Variants in FLT1 observed in about 807,000 individuals in gnomAD.
FLT1 encodes the protein fms related receptor tyrosine kinase 1, also known as vascular endothelial growth factor receptor 1.
FLT1 carries 49 observed loss-of-function variants against 156.3 expected under a neutral mutation model. The observed-to-expected ratio is 0.31, with a 90% CI of 0.25 to 0.40. FLT1 has a LOEUF of 0.40. Ranked by LOEUF, FLT1 falls within the 10% of genes least tolerant of loss-of-function variation. FLT1 has a pLI of 1.00. For missense variants in FLT1, 1,322 were observed against 1,637.2 expected (o/e 0.81, Z 3.32); for synonymous variants, 594 against 583.8 (o/e 1.02, Z -0.25).
intron 1 of FLT1, among the ~76,000 whole-genome samples, chr13:28,490,366 C>A (rs997154682): frequency 2.2e-4 from 33 of 152,222 alleles, no homozygotes; most frequent in African/African-American, 7.7e-4. Context: ...TCCGCCCCAG[C>A]GGCAATGCAG....
At chr13:28,324,998 T>C (rs549910717) in intron 20 of FLT1, among the ~76,000 whole-genome samples, 1 of 152,386 alleles carries the variant, frequency 6.6e-6, no homozygotes, top group East Asian at 1.9e-4. Flanking sequence ...GTTAATTTAT[T>C]TGGAAAATGA....
chr13:28,437,440 C>T (rs75796119), intron 4 of FLT1, among the ~76,000 whole-genome samples: 8,237 of 152,194 alleles, frequency 0.054, 720 homozygotes, highest in African/African-American at 0.19. Flanking sequence ...ATGCACTGTG[C>T]GAGGTGCTGC....
chr13:28,362,194 C>A (rs1254145009), intron 14 of FLT1, among the ~76,000 whole-genome samples: 2 of 152,100 alleles, frequency 1.3e-5, no homozygotes, highest in African/African-American at 4.8e-5. Context: ...ACCCAGATAA[C>A]AGGGAAAAAA....
At chr13:28,400,908 A>G (rs897343188) in intron 11 of FLT1, among the ~76,000 whole-genome samples, 7 of 152,210 alleles carry the variant, frequency 4.6e-5, no homozygotes, top group Non-Finnish European at 1.0e-4. Context: ...GAGGAAGAGA[A>G]AAAAGCAGAA....
chr13:28,445,503 T>A (rs1401010412), intron 3 of FLT1, among the ~76,000 whole-genome samples: 1 of 152,088 alleles, frequency 6.6e-6, no homozygotes, highest in Non-Finnish European at 1.5e-5. Flanking sequence ...ACTATTAAAA[T>A]TATAAATTAA....
intron 10 of FLT1, among the ~76,000 whole-genome samples, chr13:28,420,686 C>CTAT: frequency 6.6e-6 from 1 of 152,154 alleles, no homozygotes; most frequent in African/African-American, 2.4e-5. Flanking sequence ...ACTGTTACAG[C>CTAT]ATAAAAATAA....
At position 28,329,724 on chromosome 13, in the gene FLT1, C is replaced by T. The variant is rs1566289108; in HGVS notation, c.2598G>A (p.Gly866=). The change falls in exon 19 of 30, where the codon GGG becomes GGA. Residue 866 remains glycine (G), a synonymous_variant. Coordinates refer to ENST00000282397, the MANE Select transcript of FLT1 (RefSeq NM_002019.4). ...GAGCTTTGTACTCGCTGGCCGTGGC[C>T]CCCTCTGTGTGAGAAGCAAGGAAGA... The part of the protein sequence containing the change: ...RTVAVKMLKE[G]ATASEYKALM... The T allele has an allele frequency of 6.2e-7, 1 of 1,613,582 alleles. No homozygotes were observed. Among genetic ancestry groups the T allele is most frequent in the Non-Finnish European group, 8.5e-7 (1 of 1,179,618 alleles).
chr13:28,395,934 G>A (rs1464214957), intron 12 of FLT1, among the ~76,000 whole-genome samples: 2 of 152,178 alleles, frequency 1.3e-5, no homozygotes, highest in Admixed American at 6.5e-5. Flanking sequence ...GACATACTAC[G>A]ACTATGGGTT....
At chr13:28,375,479 A>G (rs1009109498) in intron 14 of FLT1, among the ~76,000 whole-genome samples, 6 of 152,182 alleles carry the variant, frequency 3.9e-5, no homozygotes, top group East Asian at 3.9e-4. Context: ...TGGCAATGTC[A>G]ACAGGTTAGT....
Position 28,322,320 on chromosome 13 carries a change from T to C in FLT1, c.2993A>G (p.Asp998Gly). ...CACTTGAAAACTGTAAGAAATCAGA[T>C]CTTCCATAGTGATGGGCTCCTTGTA... ...GFYKEPITME[D>G]LISYSFQVAR... The change falls in exon 22 of 30, where the codon GAT becomes GGT. Residue 998 changes from aspartate to glycine, a missense_variant. By Grantham distance (94) the Asp-to-Gly change is moderately conservative. Transcript: ENST00000282397. This position sits in a 1 kb window ranked among gnomAD's most constrained non-coding sequence, Gnocchi z 4.3. 6.2e-7 allele frequency: 1 copy of C among 1,613,484 alleles called. No homozygotes were observed.
intron 1 of FLT1, among the ~76,000 whole-genome samples, chr13:28,472,382 G>A (rs982414214): frequency 3.9e-5 from 6 of 152,192 alleles, no homozygotes; most frequent in Admixed American, 1.3e-4. Flanking sequence ...GATACTAAAA[G>A]AGCCAACTCC....
chr13:28,492,150 A>C (rs1261380819), intron 1 of FLT1, among the ~76,000 whole-genome samples: 1 of 152,254 alleles, frequency 6.6e-6, no homozygotes, highest in African/African-American at 2.4e-5. Flanking sequence ...CTTTATTATA[A>C]GAGATTTATT....
intron 14 of FLT1, among the ~76,000 whole-genome samples, chr13:28,361,558 G>A (rs994966794): frequency 6.6e-6 from 1 of 152,058 alleles, no homozygotes; most frequent in African/African-American, 2.4e-5. Flanking sequence ...AGAAACCAGA[G>A]GAGACAACAA....
chr13:28,311,584 TC>T lies in FLT1; in HGVS notation c.3635+5del, dbSNP rs1226471450. Reference sequence around the variant, plus strand: ...TGTGATATAAAGTTTGAGAAAGAAATCTTACCTGACATCATCAGAGCTTCCT... The same window carrying T: ...TGTGATATAAAGTTTGAGAAAGAAATTTACCTGACATCATCAGAGCTTCCT... On this transcript the variant is annotated splice_donor_5th_base_variant and intron_variant, in intron 27 of 29. Transcript: ENST00000282397. 7.4e-6 allele frequency: 12 copies of T among 1,611,762 alleles called. No individual in the cohort carries two copies. The highest frequency in any genetic ancestry group is 9.3e-6 in the Non-Finnish European group (11 of 1,178,798).
intron 16 of FLT1, among the ~76,000 whole-genome samples, chr13:28,341,713 G>A (rs1327571259): frequency 6.6e-6 from 1 of 152,078 alleles, no homozygotes; most frequent in Non-Finnish European, 1.5e-5. Flanking sequence ...GGGATGTCTT[G>A]TTCCTCTTTG....
chr13:28,478,051 G>A (rs1880648378), intron 1 of FLT1, among the ~76,000 whole-genome samples: 1 of 152,166 alleles, frequency 6.6e-6, no homozygotes, highest in Admixed American at 6.5e-5. Flanking sequence ...TAGAATCATA[G>A]TGTCTGATCA....
chr13:28,339,383 A>G lies in FLT1; in HGVS notation c.2356-83T>C, dbSNP rs1872244270. The stretch of plus-strand genomic sequence containing the variant: ...ATATTCCGTTAACATCCACTGTTTT[A>G]TTTGGGATCATTTGGTTGAAACTGT... On this transcript the variant is annotated intron_variant, in intron 16 of 29. Transcript: ENST00000282397. 5 of 1,436,346 alleles carry G rather than the reference A, an allele frequency of 3.5e-6. No homozygotes were observed. The Admixed American group carries it at 9.4e-5, about 27-fold the overall frequency. 89.0% of individuals were successfully genotyped at this position (1,436,346 alleles called of 1,614,324 possible).
rs1245167146 is a variant in FLT1, at chr13:28,306,730, G to A, written c.3763C>T (p.Leu1255=). Reference sequence around the variant, plus strand: ...CTGTCAGTCCAGGTGAAGCGCTTCAGCATGGGAGAGGCCAACAGAGTGCTG... The same window carrying A: ...CTGTCAGTCCAGGTGAAGCGCTTCAACATGGGAGAGGCCAACAGAGTGCTG... The part of the protein sequence containing the change: ...DSSTLLASPM[L]KRFTWTDSKP... The change falls in exon 29 of 30, where the codon CTG becomes TTG. Residue 1255 remains leucine, a synonymous_variant. Transcript: ENST00000282397. The A allele has an allele frequency of 6.2e-7, 1 of 1,613,828 alleles. No homozygotes were observed. The highest frequency in any genetic ancestry group is 2.2e-5 in the East Asian group (1 of 44,888).
At chr13:28,399,484 G>A (rs9319428) in intron 11 of FLT1, among the ~76,000 whole-genome samples, 45,993 of 151,960 alleles carry the variant, frequency 0.3, 7,227 homozygotes, top group East Asian at 0.44. Flanking sequence ...TAGAGCAACC[G>A]AGAACAAGAA....
Sources: gnomAD v4.1 joint callset for allele counts (sites outside exome capture counted in the v4.1 genomes callset) on GRCh38, gnomAD v4.1.1 for gene constraint, Gnocchi (gnomAD v3.1) non-coding constraint, MANE v1.5 for transcripts, NCBI Gene and HGNC (gene_info 2026-07-23, HGNC 2026-07-21) for gene names.